Variants in SPAG6 observed in about 807,000 individuals in gnomAD.
The protein encoded by SPAG6 is sperm associated antigen 6.
SPAG6 carries 49 observed loss-of-function variants against 58.5 expected under a neutral mutation model. The ratio of observed to expected loss-of-function variants is 0.84; its 90% CI spans 0.67 to 1.06. SPAG6 has a LOEUF of 1.06. Among genes scored for constraint, SPAG6 ranks in the 50% least tolerant of loss-of-function variants. The pLI is 0.00. For missense variants in SPAG6, 560 were observed against 611.3 expected, an observed-to-expected ratio of 0.92 and a Z score of 0.89; for synonymous variants, 233 against 225.6, an observed-to-expected ratio of 1.03 and a Z score of -0.29.
chr10:22,364,727 A>C, intron 2 of SPAG6, 126 bp from the exon 3 acceptor site: 2 of 627,074 alleles, frequency 3.2e-6, no homozygotes, highest in Non-Finnish European at 5.3e-6. Flanking sequence ...CCATTAGTTT[A>C]TGGTGAATAG....
chr10:22,370,102 T>A (rs532182829), intron 4 of SPAG6, among the ~76,000 whole-genome samples: 2 of 152,284 alleles, frequency 1.3e-5, no homozygotes, highest in East Asian at 3.9e-4. Context: ...CATGGAAAAG[T>A]GATTATAATG....
chr10:22,402,579 GC>G (rs1452849129), intron 9 of SPAG6, among the ~76,000 whole-genome samples: 4 of 152,206 alleles, frequency 2.6e-5, no homozygotes, highest in Admixed American at 6.5e-5. Flanking sequence ...CATTGCTGAA[GC>G]CACTCACCCA....
At chr10:22,388,885 A>G (rs1339691591) in intron 6 of SPAG6, among the ~76,000 whole-genome samples, 1 of 152,164 alleles carries the variant, frequency 6.6e-6, no homozygotes, top group Non-Finnish European at 1.5e-5. Flanking sequence ...TAGAGTCTAC[A>G]TGAGGAATTT....
intron 5 of SPAG6, among the ~76,000 whole-genome samples, chr10:22,387,267 C>G (rs1392308098): frequency 6.6e-6 from 1 of 152,076 alleles, no homozygotes; most frequent in African/African-American, 2.4e-5. Context: ...TTGAACCCAC[C>G]ACTATAATAT....
intron 2 of SPAG6, among the ~76,000 whole-genome samples, chr10:22,363,502 A>C (rs1837100136): frequency 6.6e-6 from 1 of 152,202 alleles, no homozygotes. Context: ...ACGGTGATAG[A>C]AGATGATCTA....
rs147951806 is a variant in SPAG6, at chr10:22,388,808, A to T, written c.853-352A>T. 1.4e-3 allele frequency among the ~76,000 whole-genome samples: 211 copies of T among 152,280 alleles called. 1 individual carries two copies. Among genetic ancestry groups the T allele is most frequent in the African/African-American group, 5.0e-3 (208 of 41,558 alleles). On this transcript the variant is annotated intron_variant, in intron 6 of 10. Coordinates refer to ENST00000376624, the MANE Select transcript of SPAG6 (RefSeq NM_012443.4). ...ATTGTCTTTCACCATTCAGTGATTA[A>T]TCTGCTTCATACTCACCCATTGTGA... is the stretch of plus-strand genomic sequence containing the variant.
chr10:22,409,217 AG>A (rs1834656114), intron 9 of SPAG6, among the ~76,000 whole-genome samples: 1 of 152,258 alleles, frequency 6.6e-6, no homozygotes, highest in Non-Finnish European at 1.5e-5. Context: ...GCAAGGTAGA[AG>A]GTGAAAAGAT....
At position 22,401,570 on chromosome 10, in the gene SPAG6, T is replaced by C. The variant is rs762364918; in HGVS notation, c.1314+293T>C. 7.0e-4 allele frequency among the ~76,000 whole-genome samples: 106 copies of C among 152,220 alleles called. 1 individual carries two copies. The highest frequency in any genetic ancestry group is 7.3e-5 in the Non-Finnish European group (5 of 68,038). On this transcript the variant is annotated intron_variant, in intron 9 of 10. Coordinates refer to ENST00000376624, the MANE Select transcript of SPAG6 (RefSeq NM_012443.4). ...ATTGATAAGTGACTTTTAGTAATCT[T>C]TCTAGTGTCTTTCATTTCACTCACC...
chr10:22,412,554 C>T, intron 10 of SPAG6: 7 of 1,090,296 alleles, frequency 6.4e-6, no homozygotes, highest in Non-Finnish European at 6.6e-6. Context: ...ATATATGATA[C>T]ATCAAAGCAG....
chr10:22,405,829 T>C lies in SPAG6; in HGVS notation c.1314+4552T>C, dbSNP rs912460709. ...ACAATTTCAGATCCTGTTATTGGAC[T>C]ATTCAGAGATTCAACTTCTTCCTGG... On this transcript the variant is annotated intron_variant, in intron 9 of 10. Coordinates refer to ENST00000376624, the MANE Select transcript of SPAG6 (RefSeq NM_012443.4). Among the ~76,000 whole-genome samples the C allele has an allele frequency of 1.2e-3, 185 of 152,374 alleles. 1 individual carries two copies. The highest frequency in any genetic ancestry group is 4.4e-3 in the African/African-American group (183 of 41,590).
chr10:22,386,065 A>G (rs980168510), intron 4 of SPAG6, among the ~76,000 whole-genome samples: 2 of 152,218 alleles, frequency 1.3e-5, no homozygotes, highest in African/African-American at 4.8e-5. Context: ...ATACAAGTAA[A>G]TCAACATGTA....
At chr10:22,395,613 A>G (rs1391873891) in intron 8 of SPAG6, among the ~76,000 whole-genome samples, 2 of 152,162 alleles carry the variant, frequency 1.3e-5, no homozygotes, top group South Asian at 2.1e-4. Context: ...AGTTCTTTGT[A>G]TATTCTGGAT....
chr10:22,373,308 T>C (rs1309388399), intron 4 of SPAG6, among the ~76,000 whole-genome samples: 1 of 152,238 alleles, frequency 6.6e-6, no homozygotes, highest in Non-Finnish European at 1.5e-5. Flanking sequence ...CCGATTGTTT[T>C]CTATCTTGTA....
chr10:22,380,589 G>A (rs1269075771), intron 4 of SPAG6, among the ~76,000 whole-genome samples: 1 of 152,102 alleles, frequency 6.6e-6, no homozygotes, highest in Non-Finnish European at 1.5e-5. Flanking sequence ...TTACAGGCAT[G>A]AGCCACTGTA....
intron 2 of SPAG6, among the ~76,000 whole-genome samples, chr10:22,347,047 G>A (rs1438618250): frequency 6.6e-6 from 1 of 152,092 alleles, no homozygotes. Flanking sequence ...GTTCGTGTGT[G>A]TGTGTGTTTT....
chr10:22,352,539 C>T (rs957098458), intron 2 of SPAG6, among the ~76,000 whole-genome samples: 20 of 152,154 alleles, frequency 1.3e-4, no homozygotes, highest in Admixed American at 8.5e-4. Context: ...TTATTTGAGA[C>T]GGAGTTTCAC....
intron 2 of SPAG6, among the ~76,000 whole-genome samples, chr10:22,360,263 A>G (rs372180441): frequency 3.3e-5 from 5 of 151,032 alleles, no homozygotes; most frequent in South Asian, 2.1e-4. Flanking sequence ...GACTGTGGAC[A>G]GGATCAGTGT....
intron 2 of SPAG6, among the ~76,000 whole-genome samples, chr10:22,361,848 G>T (rs1334420806): frequency 6.6e-6 from 1 of 151,490 alleles, no homozygotes; most frequent in Admixed American, 6.6e-5. Context: ...ATATTAGAGT[G>T]CCAGGTAAAT....
intron 2 of SPAG6, among the ~76,000 whole-genome samples, chr10:22,356,749 T>C (rs2132036762): frequency 6.6e-6 from 1 of 152,340 alleles, no homozygotes; most frequent in Non-Finnish European, 1.5e-5. Context: ...CTTTTTGCCA[T>C]TACCATTCTC....
Sources: gnomAD v4.1 joint callset for allele counts (sites outside exome capture counted in the v4.1 genomes callset) on GRCh38, gnomAD v4.1.1 for gene constraint, MANE v1.5 for transcripts, NCBI Gene and HGNC (gene_info 2026-07-23, HGNC 2026-07-21) for gene names.